The following HS3ST5 variants were observed in gnomAD, a reference collection of about 807,000 sequenced individuals.
HS3ST5 encodes heparan sulfate glucosamine 3-O-sulfotransferase 5.
A neutral mutation model predicts 25.4 loss-of-function variants in HS3ST5; 10 were observed. That is an observed-to-expected ratio of 0.39 (90% confidence interval 0.24 to 0.67). The LOEUF (loss-of-function observed/expected upper bound fraction) is 0.67, where lower values mean the gene tolerates loss of function less well. Among genes scored for constraint, HS3ST5 ranks in the 30% least tolerant of loss-of-function variants. HS3ST5 has a pLI of 0.44. For synonymous variants in HS3ST5, 170 were observed against 162.4 expected (o/e 1.05, Z -0.36); for missense variants, 324 against 420.7 (o/e 0.77, Z 2.01).
At chr6:114,106,838 T>G (rs1408855286) in intron 3 of HS3ST5, among the ~76,000 whole-genome samples, 1 of 152,156 alleles carries the variant, frequency 6.6e-6, no homozygotes, top group Non-Finnish European at 1.5e-5. Flanking sequence ...ATATTAGTTC[T>G]ATTGGAGAAA....
At chr6:114,136,354 C>G (rs773474820) in intron 3 of HS3ST5, among the ~76,000 whole-genome samples, 2 of 152,228 alleles carry the variant, frequency 1.3e-5, no homozygotes, top group Non-Finnish European at 1.5e-5. Context: ...CCCCTGCACA[C>G]ACTCTGTTGG....
intron 3 of HS3ST5, among the ~76,000 whole-genome samples, chr6:114,118,459 A>C (rs778934809): frequency 6.6e-6 from 1 of 152,202 alleles, no homozygotes; most frequent in Non-Finnish European, 1.5e-5. Context: ...GATGGGAGTT[A>C]ACTGCATTAT....
intron 1 of HS3ST5, among the ~76,000 whole-genome samples, chr6:114,246,802 T>C (rs1021128257): frequency 4.6e-5 from 7 of 152,230 alleles, no homozygotes; most frequent in African/African-American, 1.7e-4. Context: ...GGTTTCGTTC[T>C]GCTTTACCAA....
intron 1 of HS3ST5, among the ~76,000 whole-genome samples, chr6:114,276,041 T>A (rs1372080269): frequency 6.6e-6 from 1 of 151,886 alleles, no homozygotes; most frequent in Non-Finnish European, 1.5e-5. Flanking sequence ...ACCCGAAAAT[T>A]ATTTTCTGAC....
At chr6:114,137,074 A>T (rs1448441735) in intron 3 of HS3ST5, among the ~76,000 whole-genome samples, 1 of 152,198 alleles carries the variant, frequency 6.6e-6, no homozygotes, top group Non-Finnish European at 1.5e-5. Flanking sequence ...ATATGTGGAT[A>T]TGACAATATA....
chr6:114,177,924 A>T (rs187379521), intron 2 of HS3ST5, among the ~76,000 whole-genome samples: 8 of 152,350 alleles, frequency 5.3e-5, no homozygotes, highest in Non-Finnish European at 1.0e-4. Context: ...ATATGAGAAG[A>T]GGAAAAGGAA....
At position 114,058,121 on chromosome 6, in the gene HS3ST5, G is replaced by A. The variant is rs749020618; in HGVS notation, c.177C>T (p.Arg59=). ...GCAGGCCACGCTTAAACTGCAGGGC[G>A]CGAAGTGGGAATTCAGCCTGAGTGC... The part of the protein sequence containing the change: ...GARTQAEFPL[R]ALQFKRGLLH... The change falls in exon 5 of 5, where the codon CGC becomes CGT. Residue 59 remains arginine, a synonymous_variant. Coordinates refer to ENST00000312719, the MANE Select transcript of HS3ST5 (RefSeq NM_153612.4). 2.8e-5 allele frequency: 45 copies of A among 1,613,738 alleles called. No individual in the cohort carries two copies. The highest frequency in any genetic ancestry group is 3.3e-4 in the Middle Eastern group (2 of 6,084).
intron 1 of HS3ST5, among the ~76,000 whole-genome samples, chr6:114,266,490 T>C (rs1773409842): frequency 6.6e-6 from 1 of 152,238 alleles, no homozygotes; most frequent in African/African-American, 2.4e-5. Context: ...CTGTATCAGT[T>C]GTCTGTTCAT....
intron 2 of HS3ST5, among the ~76,000 whole-genome samples, chr6:114,180,042 G>A (rs1207627652): frequency 2.0e-5 from 3 of 152,022 alleles, no homozygotes; most frequent in East Asian, 1.9e-4. Context: ...GCTGGCAGCC[G>A]ATCGGATGGT....
chr6:114,264,907 T>C (rs1773337484), intron 1 of HS3ST5, among the ~76,000 whole-genome samples: 1 of 152,030 alleles, frequency 6.6e-6, no homozygotes, highest in Non-Finnish European at 1.5e-5. Context: ...TGAGACAGGG[T>C]CTCACCCTGT....
chr6:114,202,495 A>G (rs1437028145), intron 2 of HS3ST5, among the ~76,000 whole-genome samples: 2 of 152,208 alleles, frequency 1.3e-5, no homozygotes, highest in Non-Finnish European at 2.9e-5. Flanking sequence ...GAAATAGTCA[A>G]TGAATATTTG....
intron 1 of HS3ST5, among the ~76,000 whole-genome samples, chr6:114,280,312 C>A (rs1177110566): frequency 6.6e-6 from 1 of 151,870 alleles, no homozygotes; most frequent in Non-Finnish European, 1.5e-5. Context: ...GAGATGGCAG[C>A]CATGAAAGTT....
chr6:114,245,210 G>A (rs1392157732), intron 1 of HS3ST5, among the ~76,000 whole-genome samples: 1 of 152,078 alleles, frequency 6.6e-6, no homozygotes, highest in East Asian at 1.9e-4. Flanking sequence ...AGACTGCACA[G>A]AACAAATACA....
At chr6:114,234,263 C>T (rs1349587851) in intron 1 of HS3ST5, among the ~76,000 whole-genome samples, 1 of 151,126 alleles carries the variant, frequency 6.6e-6, no homozygotes, top group East Asian at 1.9e-4. Flanking sequence ...TAAATACTTT[C>T]TAGTTTTCAC....
intron 1 of HS3ST5, among the ~76,000 whole-genome samples, chr6:114,256,155 A>G (rs577692042): frequency 1.9e-4 from 29 of 152,196 alleles, no homozygotes; most frequent in East Asian, 3.9e-4. Context: ...TTGGGAGGCC[A>G]AGGTGGGCAG....
intron 1 of HS3ST5, among the ~76,000 whole-genome samples, chr6:114,297,188 T>A (rs1157705118): frequency 6.6e-6 from 1 of 151,880 alleles, no homozygotes; most frequent in Non-Finnish European, 1.5e-5. Flanking sequence ...TTTACTTCAA[T>A]CATTACTATA....
intron 2 of HS3ST5, among the ~76,000 whole-genome samples, chr6:114,171,097 A>T (rs1779455738): frequency 1.3e-5 from 2 of 152,164 alleles, no homozygotes; most frequent in Admixed American, 1.3e-4. Context: ...TGCACATAGG[A>T]TATATACTTT....
At chr6:114,298,401 T>C (rs1019577337) in intron 1 of HS3ST5, among the ~76,000 whole-genome samples, 1 of 152,238 alleles carries the variant, frequency 6.6e-6, no homozygotes, top group Non-Finnish European at 1.5e-5. Flanking sequence ...ATTTAACACT[T>C]AAGGGCACTT....
chr6:114,241,132 G>GTTT lies in HS3ST5; in HGVS notation c.-338-12357_-338-12355dup, dbSNP rs34220294. On this transcript the variant is annotated intron_variant, in intron 1 of 4. Transcript: ENST00000312719. ...TGTTTATATATTTAAAGAAAAATCA[G>GTTT]TTTTTTTTTTTTTTTTTTTTTTACT... Among the ~76,000 whole-genome samples, 103 of 117,794 alleles carry GTTT rather than the reference G, an allele frequency of 8.7e-4. 2 individuals are homozygous for GTTT. The Middle Eastern group carries it at 0.022, about 25-fold the overall frequency. The allele number at this position is 117,794 out of a possible 152,430, so 77.3% of individuals were successfully genotyped here. A position where few individuals can be genotyped will look rare whatever the true frequency, so the allele number is the denominator to read the frequency against.
Sources: allele counts gnomAD v4.1 joint callset (sites outside exome capture counted in the v4.1 genomes callset), GRCh38; gene constraint gnomAD v4.1.1; transcripts MANE v1.5; gene names NCBI Gene and HGNC (gene_info 2026-07-23, HGNC 2026-07-21).